The following CCDC192 variants were observed in gnomAD, a reference collection of about 807,000 sequenced individuals.
The protein encoded by CCDC192 is coiled-coil domain-containing protein 192.
intron 3 of CCDC192, among the ~76,000 whole-genome samples, chr5:127,783,651 A>G (rs972086618): frequency 9.2e-5 from 14 of 152,150 alleles, no homozygotes; most frequent in African/African-American, 3.1e-4. Context: ...GTTCCAAGGT[A>G]TAGCTTAAAT....
At chr5:127,830,885 AC>A (rs1749765107) in intron 5 of CCDC192, among the ~76,000 whole-genome samples, 1 of 152,204 alleles carries the variant, frequency 6.6e-6, no homozygotes, top group Non-Finnish European at 1.5e-5. Context: ...TTATCTAAAC[AC>A]AGAATGTTAA....
chr5:127,935,647 TC>T (rs1754166992), intron 6 of CCDC192: 4 of 152,230 alleles, frequency 2.6e-5, no homozygotes, highest in African/African-American at 9.7e-5. Flanking sequence ...CCCACTGTTT[TC>T]CCAGTCTATG....
intron 3 of CCDC192, among the ~76,000 whole-genome samples, chr5:127,767,745 T>A (rs1755311854): frequency 6.6e-6 from 1 of 152,216 alleles, no homozygotes; most frequent in South Asian, 2.1e-4. Context: ...ATTGGCCTGT[T>A]GGTAAATATT....
At chr5:127,899,944 C>T (rs1217830590) in intron 6 of CCDC192, among the ~76,000 whole-genome samples, 1 of 152,206 alleles carries the variant, frequency 6.6e-6, no homozygotes, top group Non-Finnish European at 1.5e-5. Context: ...CTAATACCTT[C>T]AGATTCCCAA....
chr5:127,751,066 C>G (rs1164058017), intron 2 of CCDC192, among the ~76,000 whole-genome samples: 1 of 146,606 alleles, frequency 6.8e-6, no homozygotes. Context: ...GACTCTTTAT[C>G]CAATTTGCCA....
intron 3 of CCDC192, chr5:127,786,382 A>G: frequency 1.6e-6 from 1 of 632,958 alleles, no homozygotes; most frequent in East Asian, 2.6e-5. Flanking sequence ...TACACTGTTA[A>G]TGTAGGGCCC....
At chr5:127,849,184 C>T (rs1197325956) in intron 5 of CCDC192, among the ~76,000 whole-genome samples, 2 of 152,064 alleles carry the variant, frequency 1.3e-5, no homozygotes, top group Admixed American at 6.6e-5. Flanking sequence ...GAGCTGAGGT[C>T]GCATGCCACT....
Position 127,751,479 on chromosome 5 carries a change from G to T in CCDC192, c.115-2789G>T, listed in dbSNP as rs564198950. On this transcript the variant is annotated intron_variant, in intron 2 of 6. Transcript: ENST00000514853. ...CTGGCTTGTAGGGTTTCTGCCGAGA[G>T]ATCCGCTATTAGTCTGATGGGCTTC... 1.2e-4 allele frequency among the ~76,000 whole-genome samples: 18 copies of T among 152,280 alleles called. No homozygotes were observed. In the South Asian group the frequency reaches 2.1e-3, roughly 18 times the overall value.
chr5:127,814,735 T>C (rs2127006847), intron 5 of CCDC192, among the ~76,000 whole-genome samples: 1 of 152,272 alleles, frequency 6.6e-6, no homozygotes, highest in South Asian at 2.1e-4. Context: ...AGAATGACTT[T>C]CCAGCAAAGC....
chr5:127,750,806 G>A lies in CCDC192; in HGVS notation c.115-3462G>A, dbSNP rs1423460661. Among the ~76,000 whole-genome samples the A allele has an allele frequency of 2.9e-3, 443 of 151,108 alleles. 2 individuals are homozygous for A. Among genetic ancestry groups the A allele is most frequent in the African/African-American group, 9.9e-3 (408 of 41,170 alleles). ...TATGAATCTGGGTGCTCCTGTATTG[G>A]GTGCATATATATTTAGGGTAGTTAG... On this transcript the variant is annotated intron_variant, in intron 2 of 6. Coordinates refer to ENST00000514853, the MANE Select transcript of CCDC192 (RefSeq NM_001317938.2).
At chr5:127,922,143 A>G (rs750868133) in intron 6 of CCDC192, among the ~76,000 whole-genome samples, 1 of 152,168 alleles carries the variant, frequency 6.6e-6, no homozygotes, top group Non-Finnish European at 1.5e-5. Context: ...AAATCAATAA[A>G]CTGCATGTGA....
chr5:127,907,936 C>T (rs956131159), intron 6 of CCDC192, among the ~76,000 whole-genome samples: 1 of 152,166 alleles, frequency 6.6e-6, no homozygotes, highest in African/African-American at 2.4e-5. Context: ...GGTGCATAAA[C>T]TCTTTAAGTC....
intron 2 of CCDC192, among the ~76,000 whole-genome samples, chr5:127,751,533 T>C (rs1580593393): frequency 6.6e-6 from 1 of 152,320 alleles, no homozygotes; most frequent in Middle Eastern, 3.4e-3. Context: ...CCTTTCTCTC[T>C]GGCTGCCCTT....
intron 6 of CCDC192, among the ~76,000 whole-genome samples, chr5:127,928,496 A>G (rs2127199315): frequency 6.6e-6 from 1 of 152,338 alleles, no homozygotes; most frequent in East Asian, 1.9e-4. Context: ...GGGTCCACCC[A>G]GATAATCCAA....
chr5:127,764,343 G>T (rs925515978), intron 3 of CCDC192, among the ~76,000 whole-genome samples: 2 of 152,156 alleles, frequency 1.3e-5, no homozygotes, highest in African/African-American at 4.8e-5. Flanking sequence ...ACAGAGACAA[G>T]ATATATTTAT....
intron 6 of CCDC192, among the ~76,000 whole-genome samples, chr5:127,931,564 G>T (rs964219424): frequency 6.6e-6 from 1 of 152,106 alleles, no homozygotes; most frequent in African/African-American, 2.4e-5. Flanking sequence ...CTACCTGTTA[G>T]GATTTAGCCA....
intron 2 of CCDC192, among the ~76,000 whole-genome samples, chr5:127,709,252 G>A (rs1040946913): frequency 1.6e-5 from 2 of 122,078 alleles, no homozygotes; most frequent in Non-Finnish European, 3.5e-5. Context: ...AGAGAGAAAT[G>A]CTACACACTT....
chr5:127,805,284 C>T (rs929592671), intron 5 of CCDC192, among the ~76,000 whole-genome samples: 1 of 152,168 alleles, frequency 6.6e-6, no homozygotes, highest in African/African-American at 2.4e-5. Context: ...CACTCCCCCT[C>T]CTTGATCAGC....
chr5:127,728,376 T>A (rs543252970), intron 2 of CCDC192, among the ~76,000 whole-genome samples: 1 of 152,090 alleles, frequency 6.6e-6, no homozygotes, highest in Non-Finnish European at 1.5e-5. Flanking sequence ...CCAGAAAAGA[T>A]TGGGGGGACA....
Sources: gnomAD v4.1 joint callset for allele counts (sites outside exome capture counted in the v4.1 genomes callset) on GRCh38, gnomAD v4.1.1 for gene constraint, MANE v1.5 for transcripts, NCBI Gene and HGNC (gene_info 2026-07-23, HGNC 2026-07-21) for gene names.